XKR4: variants seen among roughly 807,000 people sequenced by gnomAD.
XKR4 encodes XK-related protein 4.
In XKR4, 12 loss-of-function variants were observed where a neutral mutation model predicts 53.9. That is an observed-to-expected ratio of 0.22 (90% CI 0.14 to 0.36). The LOEUF (loss-of-function observed/expected upper bound fraction) is 0.36, where lower values mean the gene tolerates loss of function less well. XKR4 is among the 10% of genes least tolerant of loss of function. The pLI is 1.00. For synonymous variants in XKR4, 354 were observed against 362.4 expected (o/e 0.98, Z 0.26); for missense variants, 799 against 859.5 (o/e 0.93, Z 0.88).
At chr8:55,242,735 G>T (rs1465420263) in intron 1 of XKR4, among the ~76,000 whole-genome samples, 2 of 152,100 alleles carry the variant, frequency 1.3e-5, no homozygotes, top group Non-Finnish European at 2.9e-5. Flanking sequence ...AAGGCAGTTG[G>T]CAGGGAGCCG....
intron 2 of XKR4, chr8:55,454,102 C>T (rs1295088730): frequency 4.9e-6 from 4 of 822,236 alleles, no homozygotes; most frequent in Non-Finnish European, 6.3e-6. Context: ...AGGAGGGGGA[C>T]GTCATGGGTG....
intron 1 of XKR4, among the ~76,000 whole-genome samples, chr8:55,183,432 T>C (rs1044918729): frequency 1.3e-5 from 2 of 151,990 alleles, no homozygotes; most frequent in African/African-American, 4.8e-5. Context: ...TGTATGTTCA[T>C]TGTTCATTTT....
intron 1 of XKR4, among the ~76,000 whole-genome samples, chr8:55,286,582 TC>T: frequency 1.3e-5 from 2 of 152,136 alleles, no homozygotes; most frequent in Non-Finnish European, 2.9e-5. Flanking sequence ...GGGAGCGCCC[TC>T]CAGCAGCAGG....
chr8:55,141,709 G>A (rs1816706537), intron 1 of XKR4, among the ~76,000 whole-genome samples: 1 of 150,258 alleles, frequency 6.7e-6, no homozygotes, highest in South Asian at 2.1e-4. Context: ...GTGGACTGGC[G>A]TCTTCTGGTC....
At chr8:55,349,410 T>A (rs946816758) in intron 1 of XKR4, among the ~76,000 whole-genome samples, 3 of 152,202 alleles carry the variant, frequency 2.0e-5, no homozygotes, top group African/African-American at 7.2e-5. Context: ...TATTGGGATA[T>A]CGGGGACCTT....
At chr8:55,330,541 A>G (rs1035582929) in intron 1 of XKR4, among the ~76,000 whole-genome samples, 4 of 152,138 alleles carry the variant, frequency 2.6e-5, no homozygotes, top group Admixed American at 6.6e-5. Flanking sequence ...GAGTAAATTA[A>G]TTACCTTTAA....
chr8:55,481,243 C>T (rs1438270102), intron 2 of XKR4, among the ~76,000 whole-genome samples: 1 of 152,124 alleles, frequency 6.6e-6, no homozygotes, highest in Non-Finnish European at 1.5e-5. Flanking sequence ...AATAATGCCA[C>T]ATATCTACAA....
At chr8:55,200,039 C>A in intron 1 of XKR4, among the ~76,000 whole-genome samples, 2 of 152,282 alleles carry the variant, frequency 1.3e-5, no homozygotes, top group Middle Eastern at 6.8e-3. Context: ...TCATCCACAT[C>A]AGACAGTACC....
chr8:55,229,927 T>C (rs1232619596), intron 1 of XKR4, among the ~76,000 whole-genome samples: 1 of 151,934 alleles, frequency 6.6e-6, no homozygotes, highest in Admixed American at 6.6e-5. Flanking sequence ...GTGTAACTCA[T>C]GCCCCTTTTG....
rs1312794103 is a variant in XKR4, at chr8:55,527,102, C to A, written c.*2875C>A. On this transcript the variant is annotated 3_prime_UTR_variant, in exon 3 of 3. Transcript: ENST00000327381. ...GATTCAGGAAGCACTACACTGCCAT[C>A]AGACTGTTGTGGTAATAACAACTTT... 5 of 152,196 alleles carry A rather than the reference C, an allele frequency of 3.3e-5. No homozygotes were observed. Among genetic ancestry groups the A allele is most frequent in the Non-Finnish European group, 7.3e-5 (5 of 68,028 alleles). 9.4% of individuals were successfully genotyped at this position (152,196 alleles called of 1,614,324 possible). A position where few individuals can be genotyped will look rare whatever the true frequency, so the allele number is the denominator to read the frequency against.
chr8:55,345,230 G>A (rs1015631197), intron 1 of XKR4, among the ~76,000 whole-genome samples: 7 of 151,884 alleles, frequency 4.6e-5, no homozygotes, highest in African/African-American at 1.7e-4. Context: ...GGAGGCAGAG[G>A]TTGCAGTGAG....
chr8:55,519,635 G>A (rs1487900555), intron 2 of XKR4, among the ~76,000 whole-genome samples: 1 of 152,182 alleles, frequency 6.6e-6, no homozygotes, highest in Non-Finnish European at 1.5e-5. Context: ...ATCCTGTATA[G>A]GGGAGAAAAA....
intron 2 of XKR4, chr8:55,449,886 G>A (rs184375051): frequency 1.4e-4 from 132 of 911,796 alleles, no homozygotes; most frequent in East Asian, 4.8e-5. Flanking sequence ...TGGTGCTGCC[G>A]CAGGCAGCCT....
At chr8:55,464,748 G>T (rs2129398826) in intron 2 of XKR4, among the ~76,000 whole-genome samples, 1 of 152,258 alleles carries the variant, frequency 6.6e-6, no homozygotes, top group East Asian at 1.9e-4. Flanking sequence ...CATTTTCTCA[G>T]CCCAAAATCT....
intron 2 of XKR4, chr8:55,451,164 G>A (rs576018616): frequency 5.6e-6 from 3 of 533,400 alleles, no homozygotes; most frequent in East Asian, 3.5e-5. Flanking sequence ...GTCGGGGGCC[G>A]GGGGACACCC....
At chr8:55,430,348 T>C (rs1443393429) in intron 2 of XKR4, among the ~76,000 whole-genome samples, 1 of 152,186 alleles carries the variant, frequency 6.6e-6, no homozygotes, top group Non-Finnish European at 1.5e-5. Context: ...AACCTGTGCA[T>C]CAAAAGTCAT....
intron 1 of XKR4, among the ~76,000 whole-genome samples, chr8:55,284,700 C>T (rs1268987207): frequency 6.6e-6 from 1 of 152,164 alleles, no homozygotes; most frequent in Non-Finnish European, 1.5e-5. Flanking sequence ...TGATGTGACA[C>T]ACACCCTGAG....
At chr8:55,357,120 A>G (rs1460685783) in intron 1 of XKR4, among the ~76,000 whole-genome samples, 2 of 152,218 alleles carry the variant, frequency 1.3e-5, no homozygotes, top group African/African-American at 4.8e-5. Flanking sequence ...CTACATTGAT[A>G]TCCCAACCCT....
intron 2 of XKR4, among the ~76,000 whole-genome samples, chr8:55,459,880 A>C (rs1026348422): frequency 2.0e-5 from 3 of 152,166 alleles, no homozygotes; most frequent in Admixed American, 1.3e-4. Flanking sequence ...TTTAAAGTTA[A>C]ATATTAATAA....
Sources: allele counts gnomAD v4.1 joint callset (sites outside exome capture counted in the v4.1 genomes callset), GRCh38; gene constraint gnomAD v4.1.1; transcripts MANE v1.5; gene names NCBI Gene and HGNC (gene_info 2026-07-23, HGNC 2026-07-21).